CADM2: variants seen among roughly 807,000 people sequenced by gnomAD.
CADM2 encodes immunoglobulin superfamily member 4D.
Under a neutral mutation model 49.8 loss-of-function variants are expected in CADM2, and 12 were observed. That is an observed-to-expected ratio of 0.24 (90% CI 0.15 to 0.39). CADM2 has a LOEUF of 0.39. Ranked by LOEUF, CADM2 falls within the 10% of genes least tolerant of loss-of-function variation. The probability of loss-of-function intolerance (pLI) is 1.00; values close to 1 mark genes in which losing one functional copy is unlikely to be tolerated. For missense variants in CADM2, 378 were observed against 492.3 expected, an observed-to-expected ratio of 0.77 and a Z score of 2.20; for synonymous variants, 214 against 175.4, an observed-to-expected ratio of 1.22 and a Z score of -1.74.
chr3:84,959,060 C>A lies in CADM2; in HGVS notation c.-548C>A, dbSNP rs190135150. The stretch of plus-strand genomic sequence containing the variant: ...TGCAGCCGGAGCATCCGGGAGCCGC[C>A]ACTGCCGCCGCCGCTGCCGCTGCTA... On this transcript the variant is annotated 5_prime_UTR_variant, in exon 1 of 10. Transcript: ENST00000383699. 155 of 203,182 alleles carry A rather than the reference C, an allele frequency of 7.6e-4. No homozygotes were observed. Among genetic ancestry groups the A allele is most frequent in the Middle Eastern group, 2.2e-3 (1 of 460 alleles). 12.6% of individuals were successfully genotyped at this position (203,182 alleles called of 1,614,324 possible).
At chr3:85,786,841 G>A (rs895986136) in intron 2 of CADM2, among the ~76,000 whole-genome samples, 13 of 151,818 alleles carry the variant, frequency 8.6e-5, no homozygotes, top group Non-Finnish European at 1.5e-4. Flanking sequence ...CTCTGGTTTT[G>A]GAAAAGAAAA....
At chr3:85,185,533 A>G (rs72909170) in intron 1 of CADM2, among the ~76,000 whole-genome samples, 10,053 of 152,182 alleles carry the variant, frequency 0.066, 1,090 homozygotes, top group African/African-American at 0.23. Flanking sequence ...TATGATATAT[A>G]AGCTTATTCA....
At chr3:85,812,306 A>T (rs548495038) in intron 3 of CADM2, among the ~76,000 whole-genome samples, 1 of 152,252 alleles carries the variant, frequency 6.6e-6, no homozygotes, top group Non-Finnish European at 1.5e-5. Context: ...CGACTTGAAA[A>T]TATTCATGAC....
intron 2 of CADM2, among the ~76,000 whole-genome samples, chr3:85,789,840 T>C (rs2071221693): frequency 6.6e-6 from 1 of 152,224 alleles, no homozygotes; most frequent in African/African-American, 2.4e-5. Context: ...AAGTTTGTGT[T>C]CATTTTGCAT....
intron 2 of CADM2, among the ~76,000 whole-genome samples, chr3:85,796,925 T>C (rs1184247432): frequency 3.3e-5 from 5 of 151,786 alleles, no homozygotes; most frequent in African/African-American, 7.3e-5. Flanking sequence ...TGAAATCCTG[T>C]CTCTACTAAA....
At chr3:85,210,821 A>T (rs907300495) in intron 1 of CADM2, among the ~76,000 whole-genome samples, 1 of 152,164 alleles carries the variant, frequency 6.6e-6, no homozygotes, top group East Asian at 1.9e-4. Context: ...GATTACAGGC[A>T]TGAGGCACCA....
At chr3:85,160,999 A>T (rs1307120689) in intron 1 of CADM2, among the ~76,000 whole-genome samples, 1 of 152,124 alleles carries the variant, frequency 6.6e-6, no homozygotes, top group Non-Finnish European at 1.5e-5. Flanking sequence ...AAGCTCCAGG[A>T]TGGATACTCA....
At chr3:85,735,727 G>C (rs1039748192) in intron 2 of CADM2, among the ~76,000 whole-genome samples, 1 of 152,102 alleles carries the variant, frequency 6.6e-6, no homozygotes. Flanking sequence ...AGAGAATGGA[G>C]TGTAGATGTT....
At chr3:85,251,422 A>G (rs774926402) in intron 1 of CADM2, among the ~76,000 whole-genome samples, 5 of 151,928 alleles carry the variant, frequency 3.3e-5, no homozygotes, top group African/African-American at 4.8e-5. Flanking sequence ...TCACATAGAC[A>G]AGGAACCATG....
chr3:85,382,708 A>G (rs896287829), intron 1 of CADM2, among the ~76,000 whole-genome samples: 1 of 152,192 alleles, frequency 6.6e-6, no homozygotes, highest in African/African-American at 2.4e-5. Context: ...AACTTTTCAA[A>G]TGATCTTATA....
chr3:85,774,906 A>G (rs2070282397), intron 2 of CADM2, among the ~76,000 whole-genome samples: 1 of 151,740 alleles, frequency 6.6e-6, no homozygotes, highest in African/African-American at 2.4e-5. Flanking sequence ...TTTTCATGAT[A>G]CACATGTATA....
intron 1 of CADM2, among the ~76,000 whole-genome samples, chr3:85,102,087 A>T (rs1036805350): frequency 2.2e-4 from 33 of 152,292 alleles, no homozygotes; most frequent in South Asian, 6.2e-4. Flanking sequence ...AATAAATAAA[A>T]AAAGTCTTAT....
intron 1 of CADM2, among the ~76,000 whole-genome samples, chr3:85,694,039 T>G (rs2066474700): frequency 6.6e-6 from 1 of 152,186 alleles, no homozygotes; most frequent in South Asian, 2.1e-4. Flanking sequence ...TTCAGGATAT[T>G]TTTATTTTTA....
chr3:85,689,515 G>C (rs1264119910), intron 1 of CADM2, among the ~76,000 whole-genome samples: 3 of 152,166 alleles, frequency 2.0e-5, no homozygotes, highest in Non-Finnish European at 2.9e-5. Context: ...ATAAGAAACT[G>C]ATCAGGACGG....
chr3:85,257,287 C>A (rs1166265238), intron 1 of CADM2, among the ~76,000 whole-genome samples: 1 of 152,066 alleles, frequency 6.6e-6, no homozygotes, highest in Non-Finnish European at 1.5e-5. Context: ...GAAAAAACAT[C>A]TCAAAATACT....
intron 1 of CADM2, among the ~76,000 whole-genome samples, chr3:85,175,772 T>G (rs1274928134): frequency 1.3e-5 from 2 of 152,008 alleles, no homozygotes; most frequent in African/African-American, 4.8e-5. Flanking sequence ...TTTACCACAA[T>G]AAAAAATAGA....
intron 5 of CADM2, among the ~76,000 whole-genome samples, chr3:85,893,311 G>C (rs1389983382): frequency 1.3e-5 from 2 of 151,958 alleles, no homozygotes; most frequent in Non-Finnish European, 2.9e-5. Flanking sequence ...AGCTGAAACT[G>C]GATCCCTTCC....
intron 1 of CADM2, among the ~76,000 whole-genome samples, chr3:85,068,443 T>C (rs920322443): frequency 6.6e-6 from 1 of 152,102 alleles, no homozygotes; most frequent in Non-Finnish European, 1.5e-5. Flanking sequence ...GAGCTCCATA[T>C]GTTAAGTTGA....
chr3:85,634,487 C>A (rs1009844018), intron 1 of CADM2, among the ~76,000 whole-genome samples: 3 of 151,812 alleles, frequency 2.0e-5, no homozygotes, highest in Admixed American at 6.6e-5. Context: ...TTTATATGAA[C>A]TTTTACATAG....
Sources: gnomAD v4.1 joint callset for allele counts (sites outside exome capture counted in the v4.1 genomes callset) on GRCh38, gnomAD v4.1.1 for gene constraint, MANE v1.5 for transcripts, NCBI Gene and HGNC (gene_info 2026-07-23, HGNC 2026-07-21) for gene names.